The following XIRP2 variants were observed in gnomAD, a reference collection of about 807,000 sequenced individuals.
XIRP2 encodes the protein xin actin binding repeat containing 2.
In XIRP2, 236 loss-of-function variants were observed where a neutral mutation model predicts 277.0. The observed-to-expected ratio is 0.85, with a 90% CI of 0.77 to 0.95. The LOEUF is 0.95. Among genes scored for constraint, XIRP2 ranks in the 40% least tolerant of loss-of-function variants. The pLI is 0.00. For synonymous variants in XIRP2, 1,490 were observed against 1,416.5 expected (o/e 1.05, Z -1.17); for missense variants, 4,640 against 4,157.5 (o/e 1.12, Z -3.19).
intron 3 of XIRP2, among the ~76,000 whole-genome samples, chr2:167,147,488 A>G (rs1691894626): frequency 6.6e-6 from 1 of 152,122 alleles, no homozygotes; most frequent in African/African-American, 2.4e-5. Flanking sequence ...TCTCTGGGAG[A>G]GCAAATGGAG....
At chr2:167,027,977 T>G in intron 2 of XIRP2, among the ~76,000 whole-genome samples, 1 of 152,086 alleles carries the variant, frequency 6.6e-6, no homozygotes, top group East Asian at 1.9e-4. Flanking sequence ...CATCACACAC[T>G]GCAGGAGGAA....
At chr2:167,077,181 GATT>G (rs1558970646) in intron 2 of XIRP2, among the ~76,000 whole-genome samples, 1 of 152,098 alleles carries the variant, frequency 6.6e-6, no homozygotes, top group East Asian at 1.9e-4. Flanking sequence ...TGCTTTCATA[GATT>G]ATTTGGGGAG....
At chr2:166,937,871 G>A (rs1685565559) in intron 2 of XIRP2, among the ~76,000 whole-genome samples, 1 of 152,186 alleles carries the variant, frequency 6.6e-6, no homozygotes, top group African/African-American at 2.4e-5. Flanking sequence ...AGATTTTCTA[G>A]TTTATTTGTA....
chr2:166,952,000 G>A (rs1368760623), intron 2 of XIRP2, among the ~76,000 whole-genome samples: 2 of 151,978 alleles, frequency 1.3e-5, no homozygotes, highest in African/African-American at 4.8e-5. Flanking sequence ...GCCCCTGTGT[G>A]CTTCAGTTGC....
At chr2:167,134,313 GTATA>G (rs1691474552) in intron 2 of XIRP2, among the ~76,000 whole-genome samples, 1 of 151,094 alleles carries the variant, frequency 6.6e-6, no homozygotes, top group African/African-American at 2.4e-5. Context: ...TTACGTGTGT[GTATA>G]TATCTTCATA....
chr2:167,011,241 A>G lies in XIRP2; in HGVS notation c.408+107351A>G, dbSNP rs556750826. Among the ~76,000 whole-genome samples the G allele has an allele frequency of 9.9e-3, 1,486 of 150,742 alleles. 27 individuals are homozygous for G. Among genetic ancestry groups the G allele is most frequent in the African/African-American group, 0.035 (1,430 of 40,538 alleles). On this transcript the variant is annotated intron_variant, in intron 2 of 10. Coordinates refer to ENST00000409195, the MANE Select transcript of XIRP2 (RefSeq NM_152381.6). ...GATAGCTCTTATTATTTTGAGATAC[A>G]TCCCATCAATACCTATTTTATTGAG...
intron 2 of XIRP2, among the ~76,000 whole-genome samples, chr2:167,122,620 C>G (rs1691088768): frequency 6.6e-6 from 1 of 152,144 alleles, no homozygotes; most frequent in African/African-American, 2.4e-5. Context: ...ATTCTTCCTT[C>G]TGAAAGACCC....
At chr2:167,147,942 C>T (rs545220386) in intron 3 of XIRP2, among the ~76,000 whole-genome samples, 1 of 152,126 alleles carries the variant, frequency 6.6e-6, no homozygotes, top group African/African-American at 2.4e-5. Context: ...TCTTCAAGAG[C>T]AAAAATTAAA....
chr2:167,250,168 T>G lies in XIRP2; in HGVS notation c.8776T>G (p.Phe2926Val). Reference protein sequence around the residue: ...SKQEITQNKSFFSSVKESQRD... With the variant: ...SKQEITQNKSVFSSVKESQRD... ...GCAAGAGATTACACAGAACAAATCT[T>G]TCTTTTCCTCTGTGAAAGAATCCCA... The change falls in exon 9 of 11, where the codon TTC becomes GTC. Residue 2926 changes from phenylalanine (F) to valine (V), a missense_variant. Transcript: ENST00000409195. 6.2e-7 allele frequency: 1 copy of G among 1,613,500 alleles called. No individual in the cohort carries two copies. Among genetic ancestry groups the G allele is most frequent in the Non-Finnish European group, 8.5e-7 (1 of 1,179,670 alleles).
chr2:167,121,834 G>A (rs866506093), intron 2 of XIRP2, among the ~76,000 whole-genome samples: 1 of 152,146 alleles, frequency 6.6e-6, no homozygotes, highest in Non-Finnish European at 1.5e-5. Context: ...GGGAATTTAT[G>A]TTCAGTACTC....
At chr2:166,963,314 T>G (rs1433698416) in intron 2 of XIRP2, among the ~76,000 whole-genome samples, 1 of 151,784 alleles carries the variant, frequency 6.6e-6, no homozygotes, top group East Asian at 1.9e-4. Context: ...TCTCATTTAT[T>G]CATTCATTCA....
At chr2:167,076,296 A>G (rs1268417108) in intron 2 of XIRP2, among the ~76,000 whole-genome samples, 2 of 152,232 alleles carry the variant, frequency 1.3e-5, no homozygotes, top group Admixed American at 6.5e-5. Context: ...GTCTTAGACT[A>G]TACTCAATCT....
chr2:166,911,685 A>G (rs1684704919), intron 2 of XIRP2, among the ~76,000 whole-genome samples: 1 of 152,128 alleles, frequency 6.6e-6, no homozygotes, highest in South Asian at 2.1e-4. Context: ...TCATTAGTTG[A>G]TGCGGTTTCT....
rs189956741 is a variant in XIRP2, at chr2:166,998,569, G to A, written c.408+94679G>A. On this transcript the variant is annotated intron_variant, in intron 2 of 10. Transcript: ENST00000409195. ...GGAGAATGGCGTGAACCCAGGGGAC[G>A]GAGCTTGCAGTGAGCTGTGATAGCG... is the stretch of plus-strand genomic sequence containing the variant. Among the ~76,000 whole-genome samples, 134 of 152,184 alleles carry A rather than the reference G, an allele frequency of 8.8e-4. 1 individual carries two copies. The highest frequency in any genetic ancestry group is 3.0e-3 in the African/African-American group (125 of 41,516).
intron 2 of XIRP2, among the ~76,000 whole-genome samples, chr2:166,966,115 T>C (rs1686426871): frequency 6.6e-6 from 1 of 151,866 alleles, no homozygotes; most frequent in African/African-American, 2.4e-5. Context: ...TAAACCTCCA[T>C]AAAAATGTCT....
chr2:167,238,635 T>C (rs989365672), intron 5 of XIRP2, among the ~76,000 whole-genome samples: 1 of 152,162 alleles, frequency 6.6e-6, no homozygotes, highest in Admixed American at 6.5e-5. Context: ...AACGTTTTAG[T>C]ATACTATTTT....
chr2:167,139,665 G>A (rs889541681), intron 3 of XIRP2, among the ~76,000 whole-genome samples: 6 of 152,116 alleles, frequency 3.9e-5, no homozygotes, highest in Non-Finnish European at 7.4e-5. Context: ...ACTGTAGTAT[G>A]TATATGTATT....
chr2:167,131,392 C>T (rs1691371900), intron 2 of XIRP2, among the ~76,000 whole-genome samples: 1 of 152,112 alleles, frequency 6.6e-6, no homozygotes, highest in South Asian at 2.1e-4. Context: ...AAACACATCT[C>T]TCTCAAGTTA....
At chr2:167,183,702 C>G (rs1693081353) in intron 3 of XIRP2, among the ~76,000 whole-genome samples, 1 of 151,154 alleles carries the variant, frequency 6.6e-6, no homozygotes, top group Admixed American at 6.6e-5. Context: ...TTTTAAAGTC[C>G]TTATCTGCTA....
Sources: allele counts gnomAD v4.1 joint callset (sites outside exome capture counted in the v4.1 genomes callset), GRCh38; gene constraint gnomAD v4.1.1; transcripts MANE v1.5; gene names NCBI Gene and HGNC (gene_info 2026-07-23, HGNC 2026-07-21).